The following EGFLAM variants were observed in gnomAD, a reference collection of about 807,000 sequenced individuals.
EGFLAM encodes pikachurin.
EGFLAM carries 79 observed loss-of-function variants against 113.1 expected under a neutral mutation model. That is an observed-to-expected ratio of 0.70 (90% CI 0.58 to 0.84). The LOEUF is 0.84. Ranked by LOEUF, EGFLAM falls within the 40% of genes least tolerant of loss-of-function variation. The pLI, the probability that EGFLAM is intolerant of heterozygous loss-of-function variation, is 0.00. For synonymous variants in EGFLAM, 504 were observed against 487.6 expected, an observed-to-expected ratio of 1.03 and a Z score of -0.44; for missense variants, 1,265 against 1,291.6, an observed-to-expected ratio of 0.98 and a Z score of 0.32.
chr5:38,360,183 C>A (rs879816694), intron 5 of EGFLAM, among the ~76,000 whole-genome samples: 5 of 152,312 alleles, frequency 3.3e-5, no homozygotes, highest in African/African-American at 9.6e-5. Flanking sequence ...GGAAGCTGAA[C>A]AGAGGATGGA....
chr5:38,258,962 G>A, intron 1 of EGFLAM, 111 bp downstream of exon 1: 6 of 1,171,348 alleles, frequency 5.1e-6, no homozygotes, highest in South Asian at 3.1e-5. Flanking sequence ...ACCAACGTCT[G>A]CTTAACTCGC....
chr5:38,339,634 C>T (rs1739283606), intron 3 of EGFLAM, among the ~76,000 whole-genome samples: 1 of 152,140 alleles, frequency 6.6e-6, no homozygotes, highest in Non-Finnish European at 1.5e-5. Context: ...TATCCTATGA[C>T]CTCATTTTAC....
intron 1 of EGFLAM, among the ~76,000 whole-genome samples, chr5:38,280,681 A>C (rs987786622): frequency 4.6e-5 from 7 of 152,156 alleles, no homozygotes; most frequent in African/African-American, 1.7e-4. Context: ...CTCTGGGTGC[A>C]TCAGTGTCCC....
At chr5:38,388,759 CAA>C (rs35458918) in intron 6 of EGFLAM, among the ~76,000 whole-genome samples, 31 of 101,158 alleles carry the variant, frequency 3.1e-4, no homozygotes, top group African/African-American at 6.1e-4. Flanking sequence ...GACTCTGTCA[CAA>C]AAAAAAAAAA....
chr5:38,259,856 G>T (rs1757454573), intron 1 of EGFLAM, among the ~76,000 whole-genome samples: 1 of 152,188 alleles, frequency 6.6e-6, no homozygotes, highest in African/African-American at 2.4e-5. Flanking sequence ...GCAAAGCTAG[G>T]AAAATTTATC....
rs1255108827 is a variant in EGFLAM at position 38,464,213 on chromosome 5, G to A, written c.*227G>A. On this transcript the variant is annotated 3_prime_UTR_variant, in exon 22 of 22. Transcript: ENST00000322350. ...CCCAGCAGAATTCTCTGTGTAGGAA[G>A]CATCGGACTTTGTCCATTGAATATG... 1 of 548,284 alleles carries A rather than the reference G, an allele frequency of 1.8e-6. No individual in the cohort carries two copies. The highest frequency in any genetic ancestry group is 3.2e-6 in the Non-Finnish European group (1 of 314,300). The allele number at this position is 548,284 out of a possible 1,614,324, so 34.0% of individuals were successfully genotyped here.
At chr5:38,439,741 G>A (rs1742472099) in intron 17 of EGFLAM, among the ~76,000 whole-genome samples, 1 of 152,206 alleles carries the variant, frequency 6.6e-6, no homozygotes, top group Non-Finnish European at 1.5e-5. Flanking sequence ...CAAGCAAATT[G>A]CTGTTTAGCT....
intron 6 of EGFLAM, among the ~76,000 whole-genome samples, chr5:38,377,418 A>G (rs1740395473): frequency 6.6e-6 from 1 of 152,192 alleles, no homozygotes; most frequent in Non-Finnish European, 1.5e-5. Context: ...TGCTGGGATT[A>G]CAGGCGTGAG....
At chr5:38,387,782 G>A (rs1018999138) in intron 6 of EGFLAM, among the ~76,000 whole-genome samples, 2 of 152,202 alleles carry the variant, frequency 1.3e-5, no homozygotes, top group African/African-American at 2.4e-5. Flanking sequence ...AACGTTTCTT[G>A]GACACAGATT....
intron 5 of EGFLAM, among the ~76,000 whole-genome samples, chr5:38,365,871 T>C (rs1289813175): frequency 1.3e-5 from 2 of 152,138 alleles, no homozygotes; most frequent in African/African-American, 4.8e-5. Flanking sequence ...GGAAGTCACT[T>C]GTTACATTAT....
intron 1 of EGFLAM, among the ~76,000 whole-genome samples, chr5:38,261,705 A>C (rs1459629710): frequency 2.6e-5 from 4 of 152,162 alleles, no homozygotes; most frequent in Admixed American, 2.6e-4. Flanking sequence ...CGTTGCTCTT[A>C]AACATTTGTA....
At chr5:38,285,632 A>G (rs938521053) in intron 1 of EGFLAM, 3 of 152,282 alleles carry the variant, frequency 2.0e-5, no homozygotes, top group Non-Finnish European at 4.4e-5. Flanking sequence ...TCACACTGCT[A>G]TAAAGAACTG....
chr5:38,384,920 A>G (rs909874839), intron 6 of EGFLAM, among the ~76,000 whole-genome samples: 14 of 152,118 alleles, frequency 9.2e-5, no homozygotes, highest in African/African-American at 3.4e-4. Flanking sequence ...CTGGGGGGAA[A>G]GTGCTACTGG....
At chr5:38,344,714 C>T (rs1739431966) in intron 3 of EGFLAM, among the ~76,000 whole-genome samples, 1 of 152,182 alleles carries the variant, frequency 6.6e-6, no homozygotes, top group African/African-American at 2.4e-5. Flanking sequence ...CTCCTTCCAA[C>T]CCATTGTTCT....
chr5:38,334,518 C>T (rs960146649), intron 1 of EGFLAM, among the ~76,000 whole-genome samples: 3 of 152,136 alleles, frequency 2.0e-5, no homozygotes, highest in African/African-American at 7.2e-5. Context: ...ACTTAATCAC[C>T]TCCCAAAGGC....
At chr5:38,445,835 C>T in intron 17 of EGFLAM, 2 of 990,938 alleles carry the variant, frequency 2.0e-6, no homozygotes, top group Non-Finnish European at 3.2e-6. Flanking sequence ...GCCTCCCCGC[C>T]GGCCAGCCAG....
intron 17 of EGFLAM, among the ~76,000 whole-genome samples, chr5:38,447,627 G>A (rs539513929): frequency 1.3e-5 from 2 of 152,142 alleles, no homozygotes; most frequent in East Asian, 1.9e-4. Flanking sequence ...TTGGTGGCAG[G>A]TGCCTGTAAT....
At chr5:38,407,936 T>C in intron 9 of EGFLAM, 31 bp downstream of exon 9, 1 of 1,509,720 alleles carries the variant, frequency 6.6e-7, no homozygotes, top group South Asian at 1.1e-5. Flanking sequence ...GATGAGTGCT[T>C]TTTGGACACT....
chr5:38,274,821 A>G (rs1340574029), intron 1 of EGFLAM, among the ~76,000 whole-genome samples: 1 of 152,234 alleles, frequency 6.6e-6, no homozygotes, highest in Non-Finnish European at 1.5e-5. Context: ...TAATACTGTA[A>G]GGTGGTGTAT....
Sources: gnomAD v4.1 joint callset for allele counts (sites outside exome capture counted in the v4.1 genomes callset) on GRCh38, gnomAD v4.1.1 for gene constraint, MANE v1.5 for transcripts, NCBI Gene and HGNC (gene_info 2026-07-23, HGNC 2026-07-21) for gene names.